The following PIK3CD variants were observed in gnomAD, a reference collection of about 807,000 sequenced individuals.
PIK3CD encodes phosphatidylinositol 4,5-bisphosphate 3-kinase catalytic subunit delta isoform.
Under a neutral mutation model 122.9 loss-of-function variants are expected in PIK3CD, and 20 were observed. The observed-to-expected ratio is 0.16, with a 90% CI of 0.11 to 0.24. PIK3CD has a LOEUF of 0.24. PIK3CD is among the 10% of genes least tolerant of loss of function. PIK3CD has a pLI of 1.00. For synonymous variants in PIK3CD, 596 were observed against 593.4 expected, an observed-to-expected ratio of 1.00 and a Z score of -0.06; for missense variants, 787 against 1,406.3, an observed-to-expected ratio of 0.56 and a Z score of 7.04.
At chr1:9,702,941 A>C (rs2100662220) in intron 2 of PIK3CD, among the ~76,000 whole-genome samples, 1 of 152,328 alleles carries the variant, frequency 6.6e-6, no homozygotes, top group Non-Finnish European at 1.5e-5. Flanking sequence ...GTAAGTTAAA[A>C]AAGAAAAAAG....
chr1:9,701,557 C>T (rs2100636303), intron 2 of PIK3CD, among the ~76,000 whole-genome samples: 1 of 151,668 alleles, frequency 6.6e-6, no homozygotes, highest in Admixed American at 6.6e-5. Flanking sequence ...CCTGTAATTC[C>T]ACTTACGAGG....
At chr1:9,630,430 C>T in the PIK3CD span, among the ~76,000 whole-genome samples, 1 of 152,248 alleles carries the variant, frequency 6.6e-6, no homozygotes, top group African/African-American at 2.4e-5. Context: ...GACCACATCA[C>T]TCATGTATTC....
In PIK3CD at chr1:9,653,804, C is replaced by T. The variant is rs763012959; in HGVS notation, c.-138+2002C>T. 1.1e-5 allele frequency: 15 copies of T among 1,367,122 alleles called. No individual in the cohort carries two copies. In the South Asian group the frequency reaches 1.7e-4, roughly 16 times the overall value. The allele number at this position is 1,367,122 out of a possible 1,614,324, so 84.7% of individuals were successfully genotyped here. A position where few individuals can be genotyped will look rare whatever the true frequency, so the allele number is the denominator to read the frequency against. ...TCATTTCTTGATATTAGGATTCCAG[C>T]CATCTTGGCTGGTGAGAGGCCTGCT... On this transcript the variant is annotated intron_variant, in intron 1 of 23. Transcript: ENST00000377346.
chr1:9,643,423 TGAGAGA>T, the PIK3CD span, among the ~76,000 whole-genome samples: 5 of 104,498 alleles, frequency 4.8e-5, no homozygotes, highest in African/African-American at 1.9e-4. Context: ...AGACAGAAAG[TGAGAGA>T]GAGAGAGAGA....
Position 9,727,181 on chromosome 1 carries a change from C to G in PIK3CD, c.*135C>G. ...CCGACATGGCTGCCTTTTGTTTACA[C>G]TGGTTATTTATTTATGACTTGAAAT... On this transcript the variant is annotated 3_prime_UTR_variant, in exon 24 of 24. Transcript: ENST00000377346. 2.0e-6 allele frequency: 2 copies of G among 977,992 alleles called. No individual in the cohort carries two copies. Among genetic ancestry groups the G allele is most frequent in the South Asian group, 2.8e-5 (2 of 72,236 alleles). 60.6% of individuals were successfully genotyped at this position (977,992 alleles called of 1,614,324 possible).
rs745663402 is a variant in PIK3CD, at chr1:9,728,935, T to C, written c.*1889T>C. The C allele has an allele frequency of 3.9e-5, 6 of 152,266 alleles. No homozygotes were observed. Among genetic ancestry groups the C allele is most frequent in the Non-Finnish European group, 8.8e-5 (6 of 68,038 alleles). 9.4% of individuals were successfully genotyped at this position (152,266 alleles called of 1,614,324 possible). On this transcript the variant is annotated 3_prime_UTR_variant, in exon 24 of 24. Coordinates refer to ENST00000377346, the MANE Select transcript of PIK3CD (RefSeq NM_005026.5). Reference sequence around the variant, plus strand: ...TGAAAAGAAAGAAAAAGCCTTTTTATGTTCTTTTATGTTCTCGGCTCAAAA... The same window carrying C: ...TGAAAAGAAAGAAAAAGCCTTTTTACGTTCTTTTATGTTCTCGGCTCAAAA...
intron 1 of PIK3CD, chr1:9,653,473 A>C: frequency 4.0e-6 from 1 of 250,544 alleles, no homozygotes. Context: ...CAGCGCGTTT[A>C]ATCATCTGGG....
chr1:9,654,342 T>C, intron 1 of PIK3CD: 1 of 1,367,700 alleles, frequency 7.3e-7, no homozygotes, highest in Non-Finnish European at 9.8e-7. Context: ...TGGGCTCCGT[T>C]TCTCCTCCGA....
chr1:9,664,690 C>T (rs934262290), intron 1 of PIK3CD, among the ~76,000 whole-genome samples: 12 of 152,158 alleles, frequency 7.9e-5, no homozygotes, highest in Admixed American at 1.3e-4. Context: ...GTTTGTTGGG[C>T]GCTACAGAAT....
intron 2 of PIK3CD, among the ~76,000 whole-genome samples, chr1:9,693,015 A>T (rs974737818): frequency 6.6e-6 from 1 of 152,166 alleles, no homozygotes; most frequent in African/African-American, 2.4e-5. Context: ...ATGCCTTTTA[A>T]TAATATTTTT....
chr1:9,668,610 T>A (rs1261060782), intron 1 of PIK3CD, among the ~76,000 whole-genome samples: 1 of 152,118 alleles, frequency 6.6e-6, no homozygotes, highest in East Asian at 1.9e-4. Flanking sequence ...TGTAGTCTTT[T>A]ATCCCTCACC....
chr1:9,669,589 G>T (rs1645262511), intron 1 of PIK3CD, among the ~76,000 whole-genome samples: 1 of 152,134 alleles, frequency 6.6e-6, no homozygotes, highest in Non-Finnish European at 1.5e-5. Context: ...GCCTCGCAAA[G>T]TACTGGGATT....
rs775036315 is a variant in PIK3CD at position 9,715,845 on chromosome 1, G to T, written c.371-4G>T. The T allele has an allele frequency of 2.5e-5, 16 of 646,038 alleles. No homozygotes were observed. The Admixed American group carries it at 2.7e-4, about 11-fold the overall frequency. 40.0% of individuals were successfully genotyped at this position (646,038 alleles called of 1,614,324 possible). A position where few individuals can be genotyped will look rare whatever the true frequency, so the allele number is the denominator to read the frequency against. Reference sequence around the variant, plus strand: ...CCGCTGACCCAGCCCTCCCCACCCCGCAGGCCTCCACGAGTTTGACTCCTT... The same window carrying T: ...CCGCTGACCCAGCCCTCCCCACCCCTCAGGCCTCCACGAGTTTGACTCCTT... On this transcript the variant is annotated splice_polypyrimidine_tract_variant and splice_region_variant and intron_variant, in intron 4 of 23. Transcript: ENST00000377346. The surrounding 1 kb of genome is among the most constrained non-coding windows in gnomAD (Gnocchi z 4.1).
chr1:9,639,761 G>C, the PIK3CD span, among the ~76,000 whole-genome samples: 21 of 152,042 alleles, frequency 1.4e-4, no homozygotes, highest in African/African-American at 4.8e-4. Flanking sequence ...ACAGAGGCTC[G>C]CTCTGTCATC....
chr1:9,644,602 A>G, the PIK3CD span, among the ~76,000 whole-genome samples: 2 of 152,144 alleles, frequency 1.3e-5, 1 homozygote, highest in South Asian at 4.1e-4. Context: ...AGTTCCTGAT[A>G]GAATCGGCTG....
At chr1:9,653,563 G>A (rs1644745121) in intron 1 of PIK3CD, 4 of 343,772 alleles carry the variant, frequency 1.2e-5, no homozygotes, top group African/African-American at 2.1e-5. Context: ...TGTTCAGAGA[G>A]GCACCCTCTA....
intron 1 of PIK3CD, among the ~76,000 whole-genome samples, chr1:9,676,898 C>T (rs1470311555): frequency 6.6e-6 from 1 of 152,176 alleles, no homozygotes; most frequent in Non-Finnish European, 1.5e-5. Flanking sequence ...ATCCCAGAGG[C>T]TCCAGGGGCA....
intron 2 of PIK3CD, among the ~76,000 whole-genome samples, chr1:9,699,018 C>A (rs557442581): frequency 6.6e-6 from 1 of 152,008 alleles, no homozygotes; most frequent in African/African-American, 2.4e-5. Flanking sequence ...GGAGGTCCCG[C>A]CCCCTACAAA....
intron 1 of PIK3CD, among the ~76,000 whole-genome samples, chr1:9,657,427 G>T (rs1010301536): frequency 6.6e-6 from 1 of 152,022 alleles, no homozygotes; most frequent in Non-Finnish European, 1.5e-5. Context: ...CAGGGAAGCC[G>T]CCCTGTTCTG....
Sources: gnomAD v4.1 joint callset for allele counts (sites outside exome capture counted in the v4.1 genomes callset) on GRCh38, gnomAD v4.1.1 for gene constraint, Gnocchi (gnomAD v3.1) non-coding constraint, MANE v1.5 for transcripts, NCBI Gene and HGNC (gene_info 2026-07-23, HGNC 2026-07-21) for gene names.